The following DAPK2 variants were observed in gnomAD, a reference collection of about 807,000 sequenced individuals.
The protein encoded by DAPK2 is death-associated protein kinase 2.
DAPK2 carries 35 observed loss-of-function variants against 44.1 expected under a neutral mutation model. That is an observed-to-expected ratio of 0.79 (90% CI 0.61 to 1.05). DAPK2 has a LOEUF of 1.05. DAPK2 is among the 50% of genes least tolerant of loss of function. The pLI is 0.00. For missense variants in DAPK2, 453 were observed against 483.2 expected (o/e 0.94, Z 0.59); for synonymous variants, 174 against 182.6 (o/e 0.95, Z 0.38).
chr15:64,028,598 C>T (rs1041301012), intron 1 of DAPK2, among the ~76,000 whole-genome samples: 3 of 152,120 alleles, frequency 2.0e-5, no homozygotes, highest in African/African-American at 7.2e-5. Flanking sequence ...TATTAAATGT[C>T]CTGAATTTGT....
intron 10 of DAPK2, among the ~76,000 whole-genome samples, chr15:63,909,941 C>T (rs931409585): frequency 2.6e-5 from 4 of 152,220 alleles, no homozygotes; most frequent in African/African-American, 9.6e-5. Flanking sequence ...AGGGCCTTTT[C>T]CCCTTCCTCC....
intron 8 of DAPK2, chr15:63,924,521 A>G: frequency 3.0e-6 from 1 of 338,400 alleles, no homozygotes; most frequent in Non-Finnish European, 5.4e-6. Flanking sequence ...ATACCCTTCA[A>G]CAAAGAACAC....
At chr15:63,934,718 T>C (rs1263661907) in intron 4 of DAPK2, among the ~76,000 whole-genome samples, 2 of 152,106 alleles carry the variant, frequency 1.3e-5, no homozygotes, top group Non-Finnish European at 2.9e-5. Flanking sequence ...CCACAATGCC[T>C]GGCTAATTTT....
chr15:64,030,989 C>CACAT (rs1284520135), intron 1 of DAPK2, among the ~76,000 whole-genome samples: 1 of 151,118 alleles, frequency 6.6e-6, no homozygotes, highest in Non-Finnish European at 1.5e-5. Flanking sequence ...TACACACACA[C>CACAT]ACACACACAC....
intron 1 of DAPK2, among the ~76,000 whole-genome samples, chr15:64,004,369 G>A (rs1396690266): frequency 2.0e-5 from 3 of 152,102 alleles, no homozygotes; most frequent in Admixed American, 6.5e-5. Context: ...GGCGCCTAAC[G>A]TTGGCTATCT....
chr15:63,915,316 C>T lies in DAPK2; in HGVS notation c.859-3119G>A, dbSNP rs143619476. Among the ~76,000 whole-genome samples, 9 of 152,274 alleles carry T rather than the reference C, an allele frequency of 5.9e-5. No homozygotes were observed. In the East Asian group the frequency reaches 1.2e-3, roughly 20 times the overall value. Reference sequence around the variant, plus strand: ...TTGCACCTCCAAGCTCCTAGAATCTCGTTTCCAAGGTGCTTAGCACCCTCC... The same window carrying T: ...TTGCACCTCCAAGCTCCTAGAATCTTGTTTCCAAGGTGCTTAGCACCCTCC... On this transcript the variant is annotated intron_variant, in intron 8 of 10. Transcript: ENST00000261891.
In DAPK2 at chr15:63,912,771, T is replaced by C. The variant is rs1464069850; in HGVS notation, c.859-574A>G. On this transcript the variant is annotated intron_variant, in intron 8 of 10. Coordinates refer to ENST00000261891, the Ensembl canonical transcript of DAPK2. The surrounding 1 kb of genome is among the most constrained non-coding windows in gnomAD (Gnocchi z 4.4). ...TGAGCCTCAGTTTCCCCATCTGTAA[T>C]ATGGGGATAATAATATCATGTCACA... 1.3e-5 allele frequency among the ~76,000 whole-genome samples: 2 copies of C among 152,156 alleles called. No homozygotes were observed. Among genetic ancestry groups the C allele is most frequent in the Admixed American group, 1.3e-4 (2 of 15,276 alleles).
intron 1 of DAPK2, among the ~76,000 whole-genome samples, chr15:64,032,423 T>C (rs959769472): frequency 1.3e-5 from 2 of 152,226 alleles, no homozygotes; most frequent in Non-Finnish European, 2.9e-5. Flanking sequence ...TGCAGTGATA[T>C]TCCAAATAGG....
chr15:63,984,518 G>T (rs571395715), intron 1 of DAPK2, among the ~76,000 whole-genome samples: 69 of 152,114 alleles, frequency 4.5e-4, no homozygotes, highest in Non-Finnish European at 8.5e-4. Flanking sequence ...TGCTCCAGGG[G>T]CCCTCCCCAC....
chr15:63,959,662 G>A (rs2077829961), intron 3 of DAPK2, among the ~76,000 whole-genome samples: 1 of 152,174 alleles, frequency 6.6e-6, no homozygotes, highest in Non-Finnish European at 1.5e-5. Flanking sequence ...TACGTTTATT[G>A]ATTTGCATAT....
chr15:63,910,783 C>T, intron 10 of DAPK2: 1 of 152,158 alleles, frequency 6.6e-6, no homozygotes, highest in East Asian at 1.9e-4. Context: ...GTCTTTAACT[C>T]CTGGCCTTAA....
intron 4 of DAPK2, among the ~76,000 whole-genome samples, chr15:63,933,002 A>T (rs1277527287): frequency 6.6e-6 from 1 of 152,210 alleles, no homozygotes; most frequent in African/African-American, 2.4e-5. Context: ...CATTTTAAAC[A>T]ATTATTGAAA....
chr15:63,956,367 G>A lies in DAPK2; in HGVS notation c.453+15056C>T, dbSNP rs552401559. Among the ~76,000 whole-genome samples, 5 of 151,418 alleles carry A rather than the reference G, an allele frequency of 3.3e-5. No homozygotes were observed. In the East Asian group the frequency reaches 9.7e-4, roughly 29 times the overall value. Reference sequence around the variant, plus strand: ...GGTTTGCAAAAGCCCTCTTAATACTGCTTTCAATATACCCCATAGGTTTTG... The same window carrying A: ...GGTTTGCAAAAGCCCTCTTAATACTACTTTCAATATACCCCATAGGTTTTG... On this transcript the variant is annotated intron_variant, in intron 3 of 10. Transcript: ENST00000261891.
At chr15:63,929,971 C>G in intron 5 of DAPK2, 1 of 438,768 alleles carries the variant, frequency 2.3e-6, no homozygotes, top group Non-Finnish European at 4.3e-6. Flanking sequence ...AAGCAGCGTC[C>G]AAATGAAACG....
chr15:64,036,328 T>TATATAC (rs2080200558), intron 1 of DAPK2, among the ~76,000 whole-genome samples: 5 of 123,362 alleles, frequency 4.1e-5, no homozygotes, highest in African/African-American at 1.3e-4. Context: ...TGTATATATA[T>TATATAC]ATATATATAC....
chr15:64,009,666 C>A (rs1235946682), intron 1 of DAPK2, among the ~76,000 whole-genome samples: 1 of 152,160 alleles, frequency 6.6e-6, no homozygotes, highest in Admixed American at 6.5e-5. Context: ...ATGCCACCCC[C>A]CAGGAATCCT....
intron 8 of DAPK2, among the ~76,000 whole-genome samples, chr15:63,913,306 C>T (rs1287613705): frequency 6.6e-6 from 1 of 152,118 alleles, no homozygotes; most frequent in Non-Finnish European, 1.5e-5. Context: ...TGTGAGTATA[C>T]TAAAAACCAC....
At chr15:64,032,426 C>T (rs1381410740) in intron 1 of DAPK2, among the ~76,000 whole-genome samples, 1 of 152,148 alleles carries the variant, frequency 6.6e-6, no homozygotes, top group East Asian at 1.9e-4. Context: ...AGTGATATTC[C>T]AAATAGGAGA....
intron 8 of DAPK2, chr15:63,922,649 T>C: frequency 6.9e-7 from 1 of 1,444,652 alleles, no homozygotes. Flanking sequence ...CCCTGCAGGA[T>C]AATTCTAGCT....
Sources: gnomAD v4.1 joint callset for allele counts (sites outside exome capture counted in the v4.1 genomes callset) on GRCh38, gnomAD v4.1.1 for gene constraint, Gnocchi (gnomAD v3.1) non-coding constraint, MANE v1.5 for transcripts, NCBI Gene and HGNC (gene_info 2026-07-23, HGNC 2026-07-21) for gene names.